Variants in FERRY3 observed in about 807,000 individuals in gnomAD.
FERRY3 encodes the protein protein C12orf4.
At chr12:4,488,562 G>C in the FERRY3 span, 2 of 152,194 alleles carry the variant, frequency 1.3e-5, no homozygotes, top group African/African-American at 4.8e-5. The surrounding 1 kb of genome is among the most constrained non-coding windows in gnomAD (Gnocchi z 4.9). Flanking sequence ...GTTGTTACCT[G>C]GACAAACCTT....
the FERRY3 span, chr12:4,517,999 G>T: frequency 6.8e-7 from 1 of 1,465,776 alleles, no homozygotes; most frequent in South Asian, 1.2e-5. Context: ...TCCTTTCTTT[G>T]TAAGAATGGT....
the FERRY3 span, among the ~76,000 whole-genome samples, chr12:4,537,789 A>C: frequency 6.6e-6 from 1 of 152,178 alleles, no homozygotes; most frequent in African/African-American, 2.4e-5. Context: ...AACTACCAAA[A>C]CTACATAAAG....
chr12:4,487,759 ATTTT>A, the FERRY3 span: 1 of 151,918 alleles, frequency 6.6e-6, no homozygotes, highest in Non-Finnish European at 1.5e-5. Flanking sequence ...TTTTTATTGT[ATTTT>A]TTTTCAGAAT....
the FERRY3 span, chr12:4,500,315 A>G: frequency 6.2e-7 from 1 of 1,614,002 alleles, no homozygotes; most frequent in Non-Finnish European, 8.5e-7. Context: ...CTGAGAGATT[A>G]GAATGCCGTG....
the FERRY3 span, chr12:4,500,270 G>A: frequency 6.2e-7 from 1 of 1,613,980 alleles, no homozygotes; most frequent in Non-Finnish European, 8.5e-7. Flanking sequence ...ATTTCACATG[G>A]TCATCCACAC....
the FERRY3 span, chr12:4,490,713 T>G: frequency 2.9e-6 from 2 of 696,974 alleles, no homozygotes; most frequent in Non-Finnish European, 4.8e-6. Context: ...GGTAGCCATT[T>G]GCTCGTAGGA....
At chr12:4,521,190 C>G in the FERRY3 span, among the ~76,000 whole-genome samples, 1 of 152,232 alleles carries the variant, frequency 6.6e-6, no homozygotes, top group African/African-American at 2.4e-5. Flanking sequence ...GAAACACTGT[C>G]TCTACTAAAA....
At chr12:4,530,314 G>T in the FERRY3 span, among the ~76,000 whole-genome samples, 1 of 152,096 alleles carries the variant, frequency 6.6e-6, no homozygotes, top group Non-Finnish European at 1.5e-5. Flanking sequence ...GTGGAGGAAG[G>T]GATAGGAAGT....
chr12:4,515,405 A>G, the FERRY3 span, among the ~76,000 whole-genome samples: 2 of 152,216 alleles, frequency 1.3e-5, no homozygotes, highest in Non-Finnish European at 2.9e-5. Flanking sequence ...CAAGATACTA[A>G]AAACACACCT....
At chr12:4,516,927 A>C in the FERRY3 span, 1 of 890,474 alleles carries the variant, frequency 1.1e-6, no homozygotes, top group Non-Finnish European at 1.5e-6. Flanking sequence ...AAATAGAAAA[A>C]ACTTAAAAAA....
At chr12:4,491,278 T>C in the FERRY3 span, 1 of 1,541,408 alleles carries the variant, frequency 6.5e-7, no homozygotes, top group Admixed American at 1.7e-5. Flanking sequence ...TGATAGAACT[T>C]TGTATAAAAA....
the FERRY3 span, chr12:4,509,249 G>GCCCAC: frequency 1.3e-5 from 2 of 153,992 alleles, no homozygotes; most frequent in Non-Finnish European, 2.8e-5. Flanking sequence ...AGGGTCCTAC[G>GCCCAC]CCCACGGAGT....
At chr12:4,496,995 A>G in the FERRY3 span, among the ~76,000 whole-genome samples, 1 of 152,212 alleles carries the variant, frequency 6.6e-6, no homozygotes, top group Non-Finnish European at 1.5e-5. Context: ...CCAAAGCTAA[A>G]CATAAATATA....
the FERRY3 span, among the ~76,000 whole-genome samples, chr12:4,532,686 A>C: frequency 6.6e-6 from 1 of 151,984 alleles, no homozygotes; most frequent in Non-Finnish European, 1.5e-5. Flanking sequence ...CCTCATCAGG[A>C]CCTCCACTTC....
At chr12:4,499,222 C>T in the FERRY3 span, among the ~76,000 whole-genome samples, 1 of 152,156 alleles carries the variant, frequency 6.6e-6, no homozygotes, top group Non-Finnish European at 1.5e-5. Flanking sequence ...CCATGTTGCT[C>T]AGGCTGGTCT....
At chr12:4,525,227 T>C in the FERRY3 span, 2 of 1,605,868 alleles carry the variant, frequency 1.2e-6, no homozygotes, top group South Asian at 1.1e-5. Context: ...GACTACTATA[T>C]GAATAAGAAC....
the FERRY3 span, among the ~76,000 whole-genome samples, chr12:4,509,565 T>A: frequency 6.7e-6 from 1 of 148,714 alleles, no homozygotes; most frequent in Non-Finnish European, 1.5e-5. Flanking sequence ...ACGGGCAGAC[T>A]GCCTCCTCAA....
At chr12:4,491,118 A>C in the FERRY3 span, 6 of 1,510,684 alleles carry the variant, frequency 4.0e-6, no homozygotes, top group South Asian at 6.8e-5. Flanking sequence ...GGGTTGCTCT[A>C]CTTTCAATGT....
At chr12:4,502,948 A>T in the FERRY3 span, among the ~76,000 whole-genome samples, 3 of 152,342 alleles carry the variant, frequency 2.0e-5, no homozygotes, top group East Asian at 5.8e-4. The surrounding 1 kb of genome is among the most constrained non-coding windows in gnomAD (Gnocchi z 4.2). Flanking sequence ...TTTTCTAGGA[A>T]GGCAACAAAA....
Sources: allele counts gnomAD v4.1 joint callset (sites outside exome capture counted in the v4.1 genomes callset), GRCh38; gene constraint gnomAD v4.1.1; non-coding constraint Gnocchi (gnomAD v3.1); transcripts MANE v1.5; gene names NCBI Gene and HGNC (gene_info 2026-07-23, HGNC 2026-07-21).